The following PCDH15 variants were observed in gnomAD, a reference collection of about 807,000 sequenced individuals.
The protein encoded by PCDH15 is protocadherin-15.
In PCDH15, 129 loss-of-function variants were observed where a neutral mutation model predicts 178.5. The observed-to-expected ratio is 0.72, with a 90% CI of 0.63 to 0.84. The LOEUF (loss-of-function observed/expected upper bound fraction) is 0.84. Ranked by LOEUF, PCDH15 falls within the 40% of genes least tolerant of loss-of-function variation. The pLI, the probability that PCDH15 is intolerant of heterozygous loss-of-function variation, is 0.00. For synonymous variants in PCDH15, 800 were observed against 732.0 expected, an observed-to-expected ratio of 1.09 and a Z score of -1.50; for missense variants, 2,230 against 2,099.9, an observed-to-expected ratio of 1.06 and a Z score of -1.21.
chr10:54,293,809 C>T (rs762253262), intron 8 of PCDH15, among the ~76,000 whole-genome samples: 8 of 152,060 alleles, frequency 5.3e-5, no homozygotes, highest in African/African-American at 9.7e-5. Flanking sequence ...ATTAAAAAGT[C>T]GGGAAACAAC....
chr10:55,493,569 C>T (rs562004294), intron 2 of PCDH15, among the ~76,000 whole-genome samples: 4 of 151,270 alleles, frequency 2.6e-5, no homozygotes, highest in Non-Finnish European at 5.9e-5. Flanking sequence ...GAATAAATAG[C>T]TAAATTCTAA....
intron 5 of PCDH15, 106 bp downstream of exon 5, chr10:54,369,014 A>C (rs1433374805): frequency 2.4e-6 from 3 of 1,261,246 alleles, no homozygotes; most frequent in Non-Finnish European, 3.4e-6. Context: ...ATATTTCTAA[A>C]CAGTTAAGCT....
chr10:55,608,163 A>G (rs1564480940), intron 2 of PCDH15, among the ~76,000 whole-genome samples: 1 of 151,860 alleles, frequency 6.6e-6, no homozygotes, highest in Non-Finnish European at 1.5e-5. Flanking sequence ...AAAAACAATT[A>G]CAAACTTCAC....
At chr10:55,344,165 T>A (rs1164530018) in intron 2 of PCDH15, among the ~76,000 whole-genome samples, 1 of 152,102 alleles carries the variant, frequency 6.6e-6, no homozygotes, top group Non-Finnish European at 1.5e-5. Flanking sequence ...TTGGCAATAT[T>A]CAAGGAATAT....
intron 15 of PCDH15, among the ~76,000 whole-genome samples, chr10:54,124,108 T>C (rs1261109883): frequency 6.6e-6 from 1 of 152,096 alleles, no homozygotes; most frequent in African/African-American, 2.4e-5. Context: ...ATCAGCATCA[T>C]GTGACATACC....
intron 3 of PCDH15, among the ~76,000 whole-genome samples, chr10:54,492,863 G>C (rs530938587): frequency 6.6e-6 from 1 of 152,226 alleles, no homozygotes; most frequent in East Asian, 1.9e-4. Context: ...ACATACCTGA[G>C]ACTGGGCGAT....
chr10:54,283,698 A>G (rs1308812457), intron 8 of PCDH15, among the ~76,000 whole-genome samples: 1 of 152,186 alleles, frequency 6.6e-6, no homozygotes, highest in Non-Finnish European at 1.5e-5. Context: ...TAATACCAAA[A>G]TAAAAATTAG....
At chr10:55,438,454 C>T (rs1565139643) in intron 2 of PCDH15, among the ~76,000 whole-genome samples, 1 of 152,124 alleles carries the variant, frequency 6.6e-6, no homozygotes, top group Non-Finnish European at 1.5e-5. Context: ...AAATAAGAAT[C>T]TGCTTATTAG....
chr10:54,456,112 C>T (rs1163603834), intron 3 of PCDH15, among the ~76,000 whole-genome samples: 1 of 152,070 alleles, frequency 6.6e-6, no homozygotes, highest in Non-Finnish European at 1.5e-5. Context: ...GGGTTGGAGC[C>T]CCACACAGCA....
At chr10:55,173,971 T>C (rs1232674415) in intron 1 of PCDH15, among the ~76,000 whole-genome samples, 2 of 152,176 alleles carry the variant, frequency 1.3e-5, no homozygotes. Context: ...AGCTTTATTA[T>C]TTCACACTTT....
At chr10:54,833,297 G>A (rs1304601722) in intron 3 of PCDH15, among the ~76,000 whole-genome samples, 1 of 152,126 alleles carries the variant, frequency 6.6e-6, no homozygotes, top group Admixed American at 6.6e-5. Flanking sequence ...AGGCAATGCT[G>A]TCCATTTGTT....
At chr10:54,231,596 T>C (rs1251503678) in intron 9 of PCDH15, among the ~76,000 whole-genome samples, 1 of 152,154 alleles carries the variant, frequency 6.6e-6, no homozygotes. Flanking sequence ...CACTGACAGC[T>C]TGCAATGTGC....
chr10:54,436,053 A>G, intron 3 of PCDH15, among the ~76,000 whole-genome samples: 1 of 143,116 alleles, frequency 7.0e-6, no homozygotes, highest in Admixed American at 6.8e-5. Flanking sequence ...AGAGAGAGAA[A>G]AGAAAGAAAG....
chr10:53,884,721 G>A (rs2080969486), intron 26 of PCDH15, among the ~76,000 whole-genome samples: 1 of 152,114 alleles, frequency 6.6e-6, no homozygotes, highest in Non-Finnish European at 1.5e-5. Context: ...CAAAGCAGAA[G>A]ACAAAACTGG....
At chr10:54,511,472 C>T (rs1244797507) in intron 3 of PCDH15, among the ~76,000 whole-genome samples, 7 of 152,114 alleles carry the variant, frequency 4.6e-5, no homozygotes, top group Non-Finnish European at 8.8e-5. Context: ...TCACAGATTG[C>T]TACAACAGAT....
At chr10:54,030,062 T>A (rs79786879) in intron 18 of PCDH15, among the ~76,000 whole-genome samples, 4,200 of 152,202 alleles carry the variant, frequency 0.028, 195 homozygotes, top group African/African-American at 0.097. Flanking sequence ...ATAGAAAATT[T>A]TATGACAAAA....
chr10:54,871,243 A>T (rs61854477), intron 3 of PCDH15, among the ~76,000 whole-genome samples: 1 of 152,338 alleles, frequency 6.6e-6, no homozygotes, highest in East Asian at 1.9e-4. Flanking sequence ...CCTGACAATA[A>T]GGAAAAAACT....
intron 2 of PCDH15, among the ~76,000 whole-genome samples, chr10:54,612,717 G>A (rs2093003465): frequency 6.6e-6 from 1 of 151,574 alleles, no homozygotes; most frequent in Non-Finnish European, 1.5e-5. Flanking sequence ...TTAGTATTAT[G>A]TCTTGTGTGA....
intron 2 of PCDH15, among the ~76,000 whole-genome samples, chr10:54,565,879 G>A (rs1191620210): frequency 6.7e-6 from 1 of 149,156 alleles, no homozygotes; most frequent in East Asian, 1.9e-4. Flanking sequence ...GAGGTTGGGA[G>A]TTTGAGACCA....
Sources: gnomAD v4.1 joint callset for allele counts (sites outside exome capture counted in the v4.1 genomes callset) on GRCh38, gnomAD v4.1.1 for gene constraint, MANE v1.5 for transcripts, NCBI Gene and HGNC (gene_info 2026-07-23, HGNC 2026-07-21) for gene names.